The following CSMD1 variants were observed in gnomAD, a reference collection of about 807,000 sequenced individuals.
CSMD1 encodes the protein CUB and sushi domain-containing protein 1.
Under a neutral mutation model 417.5 loss-of-function variants are expected in CSMD1, and 213 were observed. The observed-to-expected ratio is 0.51, with a 90% CI of 0.46 to 0.57. The LOEUF (loss-of-function observed/expected upper bound fraction) is 0.57. Among genes scored for constraint, CSMD1 ranks in the 20% least tolerant of loss-of-function variants. The pLI, the probability that CSMD1 is intolerant of heterozygous loss-of-function variation, is 0.00. For synonymous variants in CSMD1, 2,862 were observed against 1,736.8 expected (o/e 1.65, Z -16.11); for missense variants, 6,923 against 4,529.7 (o/e 1.53, Z -15.17).
At chr8:4,471,689 G>C (rs930710626) in intron 2 of CSMD1, among the ~76,000 whole-genome samples, 1 of 152,060 alleles carries the variant, frequency 6.6e-6, no homozygotes, top group African/African-American at 2.4e-5. Flanking sequence ...AGCGAACGCA[G>C]AGAGAACACG....
chr8:3,294,405 T>C (rs1305059607), intron 25 of CSMD1, among the ~76,000 whole-genome samples: 3 of 152,228 alleles, frequency 2.0e-5, no homozygotes, highest in African/African-American at 7.2e-5. Context: ...TGTTGGTCTG[T>C]GCCCTGCCTG....
intron 1 of CSMD1, among the ~76,000 whole-genome samples, chr8:4,863,707 T>G (rs899095012): frequency 4.6e-5 from 7 of 152,052 alleles, no homozygotes; most frequent in African/African-American, 1.7e-4. Flanking sequence ...TAATCAACAA[T>G]AAAAGACTTA....
intron 3 of CSMD1, among the ~76,000 whole-genome samples, chr8:4,040,342 C>T (rs779884493): frequency 6.6e-6 from 1 of 152,128 alleles, no homozygotes; most frequent in African/African-American, 2.4e-5. Context: ...TCAGTAAGTA[C>T]TATTATTATG....
intron 3 of CSMD1, among the ~76,000 whole-genome samples, chr8:4,319,063 T>C (rs1234888659): frequency 6.6e-6 from 1 of 152,156 alleles, no homozygotes; most frequent in African/African-American, 2.4e-5. Context: ...ATAAACATCT[T>C]TTACTTCATT....
chr8:3,887,698 A>C (rs1365397146), intron 5 of CSMD1, among the ~76,000 whole-genome samples: 2 of 152,236 alleles, frequency 1.3e-5, no homozygotes. Context: ...CACAGAGGTC[A>C]CAGGTTTGGA....
chr8:3,253,288 C>G (rs1307346584), intron 26 of CSMD1, among the ~76,000 whole-genome samples: 1 of 152,036 alleles, frequency 6.6e-6, no homozygotes, highest in Non-Finnish European at 1.5e-5. Context: ...CGTTATTTAC[C>G]CAGTAGTCAC....
At chr8:3,601,844 T>C (rs2046968605) in intron 8 of CSMD1, among the ~76,000 whole-genome samples, 1 of 152,154 alleles carries the variant, frequency 6.6e-6, no homozygotes, top group Non-Finnish European at 1.5e-5. Flanking sequence ...TCCCCCTACG[T>C]CTTCACCAGA....
intron 42 of CSMD1, among the ~76,000 whole-genome samples, chr8:3,114,384 T>C (rs927185340): frequency 1.1e-4 from 17 of 151,258 alleles, no homozygotes; most frequent in African/African-American, 3.9e-4. Context: ...AGAAATTCCA[T>C]ATTAAAAAGC....
intron 50 of CSMD1, among the ~76,000 whole-genome samples, chr8:3,039,108 G>C (rs1388071589): frequency 6.6e-6 from 1 of 152,186 alleles, no homozygotes; most frequent in Non-Finnish European, 1.5e-5. Context: ...AAAGTGGGTG[G>C]TTGGCCATTG....
chr8:3,304,943 G>T (rs1262030882), intron 25 of CSMD1, among the ~76,000 whole-genome samples: 1 of 151,680 alleles, frequency 6.6e-6, no homozygotes, highest in Non-Finnish European at 1.5e-5. Context: ...CATTAGCATA[G>T]ATGATTTCTA....
intron 26 of CSMD1, among the ~76,000 whole-genome samples, chr8:3,267,711 C>T (rs982467281): frequency 6.6e-6 from 1 of 152,208 alleles, no homozygotes; most frequent in Non-Finnish European, 1.5e-5. Flanking sequence ...GGGCTGACAT[C>T]TGATGTTTTG....
At chr8:4,217,746 T>C (rs1318934641) in intron 3 of CSMD1, among the ~76,000 whole-genome samples, 2 of 152,156 alleles carry the variant, frequency 1.3e-5, no homozygotes, top group African/African-American at 2.4e-5. Context: ...TCTACGGTGT[T>C]ATAGGATACT....
At chr8:3,463,051 A>G (rs1024849039) in intron 12 of CSMD1, among the ~76,000 whole-genome samples, 14 of 152,334 alleles carry the variant, frequency 9.2e-5, no homozygotes, top group Admixed American at 2.0e-4. Context: ...CTCACCAGAC[A>G]CCAAATCTGC....
chr8:4,479,833 G>A (rs117326318), intron 2 of CSMD1, among the ~76,000 whole-genome samples: 4 of 151,856 alleles, frequency 2.6e-5, no homozygotes, highest in East Asian at 1.9e-4. Flanking sequence ...GCGTGGTGGC[G>A]CCCACTCCTT....
At chr8:3,839,004 TTA>T (rs1802917526) in intron 5 of CSMD1, among the ~76,000 whole-genome samples, 1 of 127,196 alleles carries the variant, frequency 7.9e-6, no homozygotes, top group African/African-American at 2.9e-5. Context: ...AATTATAATA[TTA>T]TATATTTATA....
intron 1 of CSMD1, among the ~76,000 whole-genome samples, chr8:4,834,952 A>G (rs1320956110): frequency 1.4e-4 from 11 of 78,932 alleles, no homozygotes; most frequent in Non-Finnish European, 2.0e-4. Context: ...GCCAGACTCC[A>G]TCTCAAAAAA....
rs551934013 is a variant in CSMD1 at position 4,770,892 on chromosome 8, T to G, written c.86-133334A>C. Among the ~76,000 whole-genome samples the G allele has an allele frequency of 3.3e-5, 5 of 152,288 alleles. No individual in the cohort carries two copies. In the South Asian group the frequency reaches 1.0e-3, roughly 32 times the overall value. On this transcript the variant is annotated intron_variant, in intron 1 of 69. Transcript: ENST00000635120. ...GGGGAAATGCTCGTTAACATTGGCC[T>G]TGACGATGATTTCCCATATATCACA... is the stretch of plus-strand genomic sequence containing the variant.
intron 1 of CSMD1, among the ~76,000 whole-genome samples, chr8:4,701,947 T>A (rs139590037): frequency 3.3e-4 from 51 of 152,286 alleles, no homozygotes; most frequent in African/African-American, 1.2e-3. Context: ...AATGAGATCA[T>A]GTCCTTTGCA....
chr8:3,329,521 C>T (rs1236379264), intron 23 of CSMD1, among the ~76,000 whole-genome samples: 1 of 152,138 alleles, frequency 6.6e-6, no homozygotes, highest in East Asian at 1.9e-4. Flanking sequence ...ATCTTTTCCC[C>T]ATGAGAATGT....
Sources: gnomAD v4.1 joint callset for allele counts (sites outside exome capture counted in the v4.1 genomes callset) on GRCh38, gnomAD v4.1.1 for gene constraint, MANE v1.5 for transcripts, NCBI Gene and HGNC (gene_info 2026-07-23, HGNC 2026-07-21) for gene names.